MYH4: variants seen among roughly 807,000 people sequenced by gnomAD.
MYH4 encodes the protein myosin-4.
A neutral mutation model predicts 229.9 loss-of-function variants in MYH4; 200 were observed. That is an observed-to-expected ratio of 0.87 (90% CI 0.78 to 0.98). The LOEUF (loss-of-function observed/expected upper bound fraction) is 0.98. Ranked by LOEUF, MYH4 falls within the 50% of genes least tolerant of loss-of-function variation. MYH4 has a pLI of 0.00. For missense variants in MYH4, 2,148 were observed against 2,332.6 expected (o/e 0.92, Z 1.63); for synonymous variants, 761 against 834.6 (o/e 0.91, Z 1.52).
Position 10,452,303 on chromosome 17 carries a change from T to A in MYH4, c.3376A>T (p.Ile1126Phe). 1 of 1,614,128 alleles carries A rather than the reference T, an allele frequency of 6.2e-7. No homozygotes were observed. The highest frequency in any genetic ancestry group is 8.5e-7 in the Non-Finnish European group (1 of 1,180,032). The change falls in exon 27 of 40, where the codon ATC becomes TTC. Residue 1126 changes from isoleucine (I) to phenylalanine (F), a missense_variant. Ile to Phe is a conservative substitution (Grantham distance 21, BLOSUM62 0). Transcript: ENST00000255381. Reference protein sequence around the residue: ...QARIEELEEEIEAERASRAKA... With the variant: ...QARIEELEEEFEAERASRAKA... ...GCCCGGGAGGCCCGCTCTGCCTCGA[T>A]TTCCTCCTCCAGCTCCTCAATGCGG...
At position 10,447,847 on chromosome 17, in the gene MYH4, T is replaced by C; in HGVS notation, c.4936A>G (p.Asn1646Asp). Reference sequence around the variant, plus strand: ...AGTATTCCTTGTGTGTTTCTAAGATTCCTTAGTGCCTCAGCAGCCTGGCGG... The same window carrying C: ...AGTATTCCTTGTGTGTTTCTAAGATCCCTTAGTGCCTCAGCAGCCTGGCGG... ...ANRQAAEALR[N>D]LRNTQGILKD... is the part of the protein sequence containing the mutation. The change falls in exon 34 of 40, where the codon AAT (asparagine) becomes GAT (aspartate). Residue 1646 changes from asparagine (N) to aspartate (D), a missense_variant. By Grantham distance (23) the Asn-to-Asp change is conservative (BLOSUM62 1). Transcript: ENST00000255381. 1.9e-6 allele frequency: 3 copies of C among 1,613,174 alleles called. No individual in the cohort carries two copies. The highest frequency in any genetic ancestry group is 2.5e-6 in the Non-Finnish European group (3 of 1,179,524).
In MYH4 at chr17:10,450,492, G is replaced by A. The variant is rs930410014; in HGVS notation, c.4142C>T (p.Thr1381Met). Residue 1381 changes from threonine (T) to methionine (M), a missense_variant, in exon 30 of 40, where the codon ACG becomes ATG. Thr to Met is a moderately conservative substitution (Grantham distance 81). Coordinates refer to ENST00000255381, the MANE Select transcript of MYH4 (RefSeq NM_017533.2). ...CTCCTCTGTGCGCTGGATGGCGTCC[G>A]TCTCGTACTTGGTCCTCCACTGGGC... is the stretch of plus-strand genomic sequence containing the variant. ...EVAQWRTKYE[T>M]DAIQRTEELE... 31 of 1,613,850 alleles carry A rather than the reference G, an allele frequency of 1.9e-5. No homozygotes were observed. Among genetic ancestry groups the A allele is most frequent in the South Asian group, 4.4e-5 (4 of 91,068 alleles).
At chr17:10,448,228 C>T in intron 33 of MYH4, 102 bp from the exon 34 acceptor site, 2 of 1,329,832 alleles carry the variant, frequency 1.5e-6, no homozygotes, top group East Asian at 2.4e-5. Flanking sequence ...CATAAACTAT[C>T]ATACGTCTTA....
chr17:10,461,055 C>CT lies in MYH4; in HGVS notation c.1009-2dup. On this transcript the variant is annotated splice_acceptor_variant, in intron 11 of 39. Transcript: ENST00000255381. LOFTEE classifies it high-confidence loss of function. ...TGAAACCCAGGATGTCCACAGCACT[C>CT]TGTCAAAAGAGTTGAATTTGCTCAT... is the stretch of plus-strand genomic sequence containing the variant. The CT allele has an allele frequency of 3.7e-6, 6 of 1,614,000 alleles. No individual in the cohort carries two copies. The highest frequency in any genetic ancestry group is 5.1e-6 in the Non-Finnish European group (6 of 1,179,914).
chr17:10,446,846 T>C (rs2072516803), intron 35 of MYH4, among the ~76,000 whole-genome samples, 167 bp downstream of exon 35: 1 of 152,224 alleles, frequency 6.6e-6, no homozygotes. Flanking sequence ...CCCATAAATA[T>C]ACTCGTGAAC....
intron 11 of MYH4, 98 bp from the exon 12 acceptor site, chr17:10,461,152 G>T (rs558372416): frequency 2.2e-5 from 31 of 1,384,032 alleles, no homozygotes; most frequent in Admixed American, 3.7e-5. Flanking sequence ...ATCACGCCTT[G>T]CCTTATATTT....
intron 20 of MYH4, 30 bp from the exon 21 acceptor site, chr17:10,455,107 T>A: frequency 6.2e-7 from 1 of 1,614,094 alleles, no homozygotes; most frequent in Non-Finnish European, 8.5e-7. Context: ...AATATGTTAT[T>A]TCCACTTACA....
At chr17:10,452,367 TC>T (rs1464872042) in intron 26 of MYH4, 37 bp from the exon 27 acceptor site, 1 of 1,614,008 alleles carries the variant, frequency 6.2e-7, no homozygotes, top group African/African-American at 1.3e-5. Context: ...TGAATTTATG[TC>T]AGTTTTGTTT....
At chr17:10,455,967 T>C in intron 17 of MYH4, 66 bp from the exon 18 acceptor site, 4 of 1,582,242 alleles carry the variant, frequency 2.5e-6, no homozygotes, top group Non-Finnish European at 1.7e-6. Context: ...TCCCTATCAA[T>C]ATTTGTCTTT....
intron 5 of MYH4, 98 bp from the exon 6 acceptor site, chr17:10,464,806 C>CA: frequency 8.4e-7 from 1 of 1,193,504 alleles, no homozygotes; most frequent in Non-Finnish European, 1.2e-6. Flanking sequence ...TAAAACTCCC[C>CA]ATTTGCAAAA....
chr17:10,451,375 G>T lies in MYH4; in HGVS notation c.3816C>A (p.Arg1272=). 1 of 1,614,024 alleles carries T rather than the reference G, an allele frequency of 6.2e-7. No homozygotes were observed. The highest frequency in any genetic ancestry group is 8.5e-7 in the Non-Finnish European group (1 of 1,179,978). Residue 1272 remains arginine, a synonymous_variant, in exon 28 of 40, where the codon CGC becomes CGA. Coordinates refer to ENST00000255381, the MANE Select transcript of MYH4 (RefSeq NM_017533.2). ...EIKTKEEEQQ[R]LINELSAQKA... is the part of the protein sequence containing the mutation. ...TCTGGGCTGACAACTCATTTATTAA[G>T]CGTTGTTGCTCTTCTTCCTTTGTTT...
At chr17:10,459,444 G>A (rs1441351086) in intron 14 of MYH4, 23 bp from the exon 15 acceptor site, 6 of 1,613,906 alleles carry the variant, frequency 3.7e-6, no homozygotes, top group Admixed American at 1.7e-5. Context: ...ATAAATATAG[G>A]AAATTACGCA....
chr17:10,456,477 T>C lies in MYH4; in HGVS notation c.1968+8A>G. 6.2e-7 allele frequency: 1 copy of C among 1,608,728 alleles called. No homozygotes were observed. Among genetic ancestry groups the C allele is most frequent in the South Asian group, 1.1e-5 (1 of 90,626 alleles). On this transcript the variant is annotated splice_region_variant and intron_variant, in intron 17 of 39. Coordinates refer to ENST00000255381, the MANE Select transcript of MYH4 (RefSeq NM_017533.2). ...AGTATTTATCTGTAATTCAAGAATA[T>C]ACTGTACCCTGAAAAGAGCTGACAC... is the stretch of plus-strand genomic sequence containing the variant.
rs2072572155 is a variant in MYH4 at position 10,451,409 on chromosome 17, C to T, written c.3782G>A (p.Ser1261Asn). 4 of 1,613,968 alleles carry T rather than the reference C, an allele frequency of 2.5e-6. No homozygotes were observed. In the East Asian group the frequency reaches 8.9e-5, roughly 36 times the overall value. Residue 1261 changes from serine to asparagine, a missense_variant, in exon 28 of 40, where the codon AGT becomes AAT. By Grantham distance (46) the Ser-to-Asn change is conservative. Transcript: ENST00000255381. ...KMCRTLEDQL[S>N]EIKTKEEEQQ... Reference sequence around the variant, plus strand: ...CTCTTCTTCCTTTGTTTTTATTTCACTAAGCTGGTCCTCTAGGGTGCGGCA... The same window carrying T: ...CTCTTCTTCCTTTGTTTTTATTTCATTAAGCTGGTCCTCTAGGGTGCGGCA...
At chr17:10,463,796 G>A (rs1036388868) in intron 7 of MYH4, among the ~76,000 whole-genome samples, 153 bp from the exon 8 acceptor site, 1 of 152,178 alleles carries the variant, frequency 6.6e-6, no homozygotes, top group Non-Finnish European at 1.5e-5. Flanking sequence ...ATCGGGAAGG[G>A]GAGTGGGACA....
intron 15 of MYH4, among the ~76,000 whole-genome samples, chr17:10,458,083 G>A (rs541245571): frequency 6.6e-6 from 1 of 152,246 alleles, no homozygotes; most frequent in Non-Finnish European, 1.5e-5. Context: ...GAATCTAGAG[G>A]TGACAGAAGT....
Position 10,464,604 on chromosome 17 carries a change from A to G in MYH4, c.534-18T>C. 3 of 1,613,984 alleles carry G rather than the reference A, an allele frequency of 1.9e-6. No individual in the cohort carries two copies. Among genetic ancestry groups the G allele is most frequent in the Non-Finnish European group, 2.5e-6 (3 of 1,179,912 alleles). On this transcript the variant is annotated intron_variant, in intron 6 of 39. Coordinates refer to ENST00000255381, the MANE Select transcript of MYH4 (RefSeq NM_017533.2). ...ATTCTCCACTATCAAGTTCAAACAG[A>G]AGAAAAGGTCAGAATCTAAGGTAGT... is the stretch of plus-strand genomic sequence containing the variant.
At position 10,460,073 on chromosome 17, in the gene MYH4, T is replaced by C. The variant is rs2072684086; in HGVS notation, c.1295A>G (p.Lys432Arg). ...CAGGAACATCTTCTCGTAGATGGCT[T>C]TGGCCAGAGCACCCACTGCATTGTA... Reference protein sequence around the residue: ...QVYNAVGALAKAIYEKMFLWM... With the variant: ...QVYNAVGALARAIYEKMFLWM... Residue 432 changes from lysine to arginine, a missense_variant, in exon 14 of 40, where the codon AAA becomes AGA. Transcript: ENST00000255381. 1 of 1,614,106 alleles carries C rather than the reference T, an allele frequency of 6.2e-7. No individual in the cohort carries two copies. The highest frequency in any genetic ancestry group is 1.1e-5 in the South Asian group (1 of 91,094).
intron 2 of MYH4, among the ~76,000 whole-genome samples, 194 bp downstream of exon 2, chr17:10,469,094 A>G (rs2072795749): frequency 7.9e-6 from 1 of 126,836 alleles, no homozygotes; most frequent in South Asian, 3.4e-4. Flanking sequence ...AACATGTGAA[A>G]GAGAAGTTTC....
Sources: allele counts gnomAD v4.1 joint callset (sites outside exome capture counted in the v4.1 genomes callset), GRCh38; gene constraint gnomAD v4.1.1; transcripts MANE v1.5; gene names NCBI Gene and HGNC (gene_info 2026-07-23, HGNC 2026-07-21).